Variants in PFN4 observed in about 807,000 individuals in gnomAD.
The protein encoded by PFN4 is profilin family member 4.
In PFN4, 10 loss-of-function variants were observed where a neutral mutation model predicts 16.3. The ratio of observed to expected loss-of-function variants is 0.61; its 90% CI spans 0.38 to 1.04. PFN4 has a LOEUF of 1.04. Ranked by LOEUF, PFN4 falls within the 50% of genes least tolerant of loss-of-function variation. The pLI is 0.01. For missense variants in PFN4, 136 were observed against 153.6 expected, an observed-to-expected ratio of 0.89 and a Z score of 0.61; for synonymous variants, 54 against 56.9, an observed-to-expected ratio of 0.95 and a Z score of 0.23.
intron 2 of PFN4, 75 bp from the exon 3 acceptor site, chr2:24,121,375 G>T: frequency 7.2e-7 from 1 of 1,396,540 alleles, no homozygotes; most frequent in South Asian, 1.3e-5. Context: ...CCCACTACCT[G>T]TTTTTTATGG....
At chr2:24,122,954 A>G (rs1378850665) in intron 1 of PFN4, 164 bp downstream of exon 1, 1 of 154,942 alleles carries the variant, frequency 6.5e-6, no homozygotes, top group African/African-American at 2.4e-5. Context: ...CGACTAAAAG[A>G]GATTATGCGT....
chr2:24,115,929 T>C (rs1250149936), intron 4 of PFN4, among the ~76,000 whole-genome samples: 1 of 143,806 alleles, frequency 7.0e-6, no homozygotes. Context: ...AAAAAAAGGA[T>C]GAATAATGCA....
At chr2:24,118,624 C>A (rs927167115) in intron 4 of PFN4, among the ~76,000 whole-genome samples, 1 of 152,100 alleles carries the variant, frequency 6.6e-6, no homozygotes, top group Non-Finnish European at 1.5e-5. Context: ...TGGATAGAAG[C>A]CTGAGATCTG....
rs200145580 is a variant in PFN4 at position 24,121,296 on chromosome 2, G to A, written c.122C>T (p.Thr41Met). 4.2e-5 allele frequency: 68 copies of A among 1,613,962 alleles called. No homozygotes were observed. The highest frequency in any genetic ancestry group is 1.3e-4 in the East Asian group (6 of 44,868). ...CACCAGTGTTCGGACATCACTGGGC[G>A]TTACCTGGAGAGGTTACATGGTTAG... Reference protein sequence around the residue: ...LCVASPGFNVTPSDVRTLVNG... With the variant: ...LCVASPGFNVMPSDVRTLVNG... The change falls in exon 3 of 5, where the codon ACG (threonine) becomes ATG (methionine). Residue 41 changes from threonine (T) to methionine (M), a missense_variant. By Grantham distance (81) the Thr-to-Met change is moderately conservative (BLOSUM62 -1). Coordinates refer to ENST00000313213, the MANE Select transcript of PFN4 (RefSeq NM_199346.3).
intron 1 of PFN4, chr2:24,122,809 T>C (rs928627646): frequency 6.2e-6 from 2 of 322,408 alleles, no homozygotes; most frequent in Non-Finnish European, 1.1e-5. Flanking sequence ...TTTCTGGCTA[T>C]GTCAATGGTT....
At position 24,121,266 on chromosome 2, in the gene PFN4, C is replaced by A. The variant is rs764889045; in HGVS notation, c.152G>T (p.Gly51Val). 3.8e-5 allele frequency: 61 copies of A among 1,614,162 alleles called. No individual in the cohort carries two copies. Among genetic ancestry groups the A allele is most frequent in the Non-Finnish European group, 5.2e-5 (61 of 1,180,030 alleles). Residue 51 changes from glycine (G) to valine (V), a missense_variant, in exon 3 of 5, where the codon GGA becomes GTA. Gly to Val is a moderately radical substitution (Grantham distance 109). Coordinates refer to ENST00000313213, the MANE Select transcript of PFN4 (RefSeq NM_199346.3). ...GGCTTGCAAAGGGTTCTTGGCAAAT[C>A]CATTCACCAGTGTTCGGACATCACT... ...TPSDVRTLVNGFAKNPLQARR... is the reference protein window; with the variant it reads ...TPSDVRTLVNVFAKNPLQARR...
At chr2:24,119,789 A>G in intron 3 of PFN4, 107 bp from the exon 4 acceptor site, 1 of 753,832 alleles carries the variant, frequency 1.3e-6, no homozygotes, top group East Asian at 2.6e-5. Context: ...ATATGTTTGG[A>G]ATATATATGG....
In PFN4 at chr2:24,121,283, G is replaced by A. The variant is rs1666109745; in HGVS notation, c.135C>T (p.Val45=). ...SPGFNVTPSD[V]RTLVNGFAKN... is the part of the protein sequence containing the mutation. ...TGGCAAATCCATTCACCAGTGTTCG[G>A]ACATCACTGGGCGTTACCTGGAGAG... Residue 45 remains valine, a synonymous_variant, in exon 3 of 5, where the codon GTC becomes GTT. Coordinates refer to ENST00000313213, the MANE Select transcript of PFN4 (RefSeq NM_199346.3). 3 of 1,614,048 alleles carry A rather than the reference G, an allele frequency of 1.9e-6. No homozygotes were observed. In the Admixed American group the frequency reaches 5.0e-5, roughly 27 times the overall value.
intron 4 of PFN4, among the ~76,000 whole-genome samples, chr2:24,117,925 T>C (rs1665978205): frequency 6.6e-6 from 1 of 152,236 alleles, no homozygotes. Context: ...TAGCTGTCCC[T>C]TCCCAGAGCA....
rs762220770 is a variant in PFN4, at chr2:24,121,297, T to C, written c.121A>G (p.Thr41Ala). Residue 41 changes from threonine to alanine, a missense_variant, in exon 3 of 5, where the codon ACG (threonine) becomes GCG (alanine). Transcript: ENST00000313213. ...ACCAGTGTTCGGACATCACTGGGCG[T>C]TACCTGGAGAGGTTACATGGTTAGA... ...LCVASPGFNV[T>A]PSDVRTLVNG... The C allele has an allele frequency of 1.7e-5, 27 of 1,614,054 alleles. No individual in the cohort carries two copies. The African/African-American group carries it at 3.1e-4, about 18-fold the overall frequency.
intron 4 of PFN4, among the ~76,000 whole-genome samples, chr2:24,118,594 G>T (rs1035654603): frequency 6.6e-6 from 1 of 152,216 alleles, no homozygotes; most frequent in African/African-American, 2.4e-5. Flanking sequence ...ATAAAGGTAT[G>T]CATAAAATAC....
In PFN4 at chr2:24,115,530, T is replaced by C; in HGVS notation, c.*53A>G. ...ACCATAAAATATTTTTTCTTTAGGC[T>C]CTTCAATTTTCTTCTAAAATAATAA... On this transcript the variant is annotated 3_prime_UTR_variant, in exon 5 of 5. Coordinates refer to ENST00000313213, the MANE Select transcript of PFN4 (RefSeq NM_199346.3). 6.7e-7 allele frequency: 1 copy of C among 1,499,124 alleles called. No homozygotes were observed. Among genetic ancestry groups the C allele is most frequent in the Non-Finnish European group, 9.2e-7 (1 of 1,085,468 alleles). 92.9% of individuals were successfully genotyped at this position (1,499,124 alleles called of 1,614,324 possible).
At chr2:24,119,833 T>G (rs1666046178) in intron 3 of PFN4, 151 bp from the exon 4 acceptor site, 1 of 599,840 alleles carries the variant, frequency 1.7e-6, no homozygotes, top group East Asian at 2.9e-5. Flanking sequence ...TTCCATATGT[T>G]TATATATCTG....
intron 3 of PFN4, among the ~76,000 whole-genome samples, chr2:24,120,280 C>A (rs1441642530): frequency 5.5e-5 from 8 of 146,002 alleles, no homozygotes; most frequent in East Asian, 2.0e-4. Flanking sequence ...AAAAAAAAAA[C>A]AACAACAAAA....
In PFN4 at chr2:24,115,546, A is replaced by G; in HGVS notation, c.*37T>C. 2 of 1,582,168 alleles carry G rather than the reference A, an allele frequency of 1.3e-6. No individual in the cohort carries two copies. Among genetic ancestry groups the G allele is most frequent in the South Asian group, 2.2e-5 (2 of 89,270 alleles). ...TCTTTAGGCTCTTCAATTTTCTTCTAAAATAATAAAATTGTCTTTCATGGG... is the reference window on the plus strand; with the variant it reads ...TCTTTAGGCTCTTCAATTTTCTTCTGAAATAATAAAATTGTCTTTCATGGG... On this transcript the variant is annotated 3_prime_UTR_variant, in exon 5 of 5. Transcript: ENST00000313213.
chr2:24,118,800 C>T (rs1462124598), intron 4 of PFN4, among the ~76,000 whole-genome samples: 4 of 152,094 alleles, frequency 2.6e-5, no homozygotes, highest in African/African-American at 9.7e-5. Flanking sequence ...TAGTGCAGGG[C>T]ACATGGTAAG....
intron 2 of PFN4, among the ~76,000 whole-genome samples, chr2:24,122,070 GC>G (rs1471326717): frequency 6.6e-6 from 1 of 152,196 alleles, no homozygotes; most frequent in African/African-American, 2.4e-5. Flanking sequence ...GGTGGCTCAT[GC>G]CTGTAATCCC....
intron 3 of PFN4, among the ~76,000 whole-genome samples, chr2:24,120,161 C>T (rs922764064): frequency 1.3e-5 from 2 of 151,886 alleles, no homozygotes; most frequent in Admixed American, 6.6e-5. Flanking sequence ...CCCAGCTACT[C>T]GGTAAGCTGA....
upstream of PFN4, chr2:24,123,378 C>T (rs1666189838): frequency 6.6e-6 from 1 of 152,270 alleles, no homozygotes; most frequent in Non-Finnish European, 1.5e-5. Flanking sequence ...GACTCCAGCC[C>T]CTTCCGCAAA....
Sources: gnomAD v4.1 joint callset for allele counts (sites outside exome capture counted in the v4.1 genomes callset) on GRCh38, gnomAD v4.1.1 for gene constraint, MANE v1.5 for transcripts, NCBI Gene and HGNC (gene_info 2026-07-23, HGNC 2026-07-21) for gene names.